DLGAP1: variants seen among roughly 807,000 people sequenced by gnomAD.
DLGAP1 encodes the protein disks large-associated protein 1.
Under a neutral mutation model 90.8 loss-of-function variants are expected in DLGAP1, and 11 were observed. The observed-to-expected ratio is 0.12, with a 90% CI of 0.08 to 0.20. The LOEUF is 0.20. Among genes scored for constraint, DLGAP1 ranks in the 10% least tolerant of loss-of-function variants. DLGAP1 has a pLI of 1.00. For missense variants in DLGAP1, 1,050 were observed against 1,333.8 expected, an observed-to-expected ratio of 0.79 and a Z score of 3.31; for synonymous variants, 558 against 540.7, an observed-to-expected ratio of 1.03 and a Z score of -0.44.
intron 1 of DLGAP1, among the ~76,000 whole-genome samples, chr18:4,167,790 T>C (rs887313461): frequency 1.3e-5 from 2 of 152,212 alleles, no homozygotes; most frequent in Non-Finnish European, 2.9e-5. Flanking sequence ...ATCATATTTC[T>C]ACATACTAAC....
At chr18:4,424,368 A>G (rs552283203) in intron 1 of DLGAP1, among the ~76,000 whole-genome samples, 8 of 152,298 alleles carry the variant, frequency 5.3e-5, no homozygotes, top group African/African-American at 1.9e-4. Context: ...CTTAATTTCA[A>G]TTTGCAGAAA....
intron 9 of DLGAP1, among the ~76,000 whole-genome samples, chr18:3,558,523 G>C (rs767560035): frequency 1.3e-5 from 2 of 152,146 alleles, no homozygotes; most frequent in East Asian, 3.8e-4. Context: ...ATTAGCCACC[G>C]GGCCCAGCTA....
At chr18:3,790,131 CA>C (rs912603434) in intron 5 of DLGAP1, among the ~76,000 whole-genome samples, 5 of 151,842 alleles carry the variant, frequency 3.3e-5, no homozygotes, top group Non-Finnish European at 5.9e-5. Context: ...TCTCAGTCTC[CA>C]AAAAAAATTT....
chr18:3,529,672 T>C (rs1437726005), intron 10 of DLGAP1, among the ~76,000 whole-genome samples: 1 of 152,098 alleles, frequency 6.6e-6, no homozygotes, highest in Non-Finnish European at 1.5e-5. Flanking sequence ...GAAAGATACA[T>C]CGGTTATTAT....
chr18:4,211,408 G>T (rs1175676813), intron 1 of DLGAP1, among the ~76,000 whole-genome samples: 5 of 152,174 alleles, frequency 3.3e-5, no homozygotes, highest in African/African-American at 1.2e-4. Context: ...GTAAATGTTA[G>T]AAAGGGTTAT....
At chr18:3,712,926 C>G (rs2061642718) in intron 7 of DLGAP1, among the ~76,000 whole-genome samples, 1 of 152,220 alleles carries the variant, frequency 6.6e-6, no homozygotes, top group South Asian at 2.1e-4. Flanking sequence ...TCTACTGGTA[C>G]TGTTTCCTTT....
intron 1 of DLGAP1, among the ~76,000 whole-genome samples, chr18:4,152,927 T>C (rs1442740442): frequency 1.3e-5 from 2 of 152,180 alleles, no homozygotes; most frequent in Non-Finnish European, 1.5e-5. Context: ...TAATGAAAAA[T>C]TGTTAATTTC....
chr18:4,322,660 G>A (rs975563787), intron 1 of DLGAP1, among the ~76,000 whole-genome samples: 4 of 152,090 alleles, frequency 2.6e-5, no homozygotes, highest in Non-Finnish European at 2.9e-5. Flanking sequence ...TTGTATCAAA[G>A]TAAAAAGCTA....
chr18:3,658,240 A>G (rs561277059), intron 7 of DLGAP1, among the ~76,000 whole-genome samples: 1 of 152,296 alleles, frequency 6.6e-6, no homozygotes, highest in African/African-American at 2.4e-5. Flanking sequence ...CTAGGAAATG[A>G]TGAGTTTTAA....
rs374731053 is a variant in DLGAP1, at chr18:4,009,231, C to G, written c.-158-4030G>C. 1.6e-3 allele frequency among the ~76,000 whole-genome samples: 245 copies of G among 152,276 alleles called. 4 individuals are homozygous for G. In the South Asian group the frequency reaches 0.03, roughly 18 times the overall value. On this transcript the variant is annotated intron_variant, in intron 2 of 12. Transcript: ENST00000315677. ...ACCGAGTCTCTTTAGACTCCACTTG[C>G]GCTCCATGCTCCTCTTGACTTCTGA...
At chr18:3,957,524 A>T (rs1356433913) in intron 3 of DLGAP1, among the ~76,000 whole-genome samples, 3 of 152,242 alleles carry the variant, frequency 2.0e-5, no homozygotes, top group Non-Finnish European at 2.9e-5. Flanking sequence ...CTGATTAACC[A>T]CATAGATTTT....
At chr18:3,561,222 C>A (rs2054073257) in intron 9 of DLGAP1, among the ~76,000 whole-genome samples, 1 of 145,904 alleles carries the variant, frequency 6.9e-6, no homozygotes, top group South Asian at 2.1e-4. Flanking sequence ...TTGAGACCAG[C>A]CTGTTCAACA....
intron 5 of DLGAP1, among the ~76,000 whole-genome samples, chr18:3,777,539 GTTA>G (rs1174837531): frequency 3.9e-5 from 6 of 152,274 alleles, no homozygotes; most frequent in Admixed American, 3.3e-4. Context: ...AGCTCTGTTT[GTTA>G]TTATTTCATA....
chr18:3,837,469 A>G (rs1467155860), intron 4 of DLGAP1, among the ~76,000 whole-genome samples: 1 of 152,238 alleles, frequency 6.6e-6, no homozygotes, highest in Non-Finnish European at 1.5e-5. Context: ...TTCATAAACA[A>G]AACTTGAAAC....
chr18:4,161,235 G>C (rs5017258), intron 1 of DLGAP1, among the ~76,000 whole-genome samples: 27,762 of 151,674 alleles, frequency 0.18, 7,220 homozygotes, highest in African/African-American at 0.57. Context: ...TCTCCCTCCC[G>C]CCACCTTTCC....
intron 12 of DLGAP1, among the ~76,000 whole-genome samples, chr18:3,501,613 G>C (rs999722323): frequency 6.6e-6 from 1 of 152,186 alleles, no homozygotes; most frequent in Admixed American, 6.5e-5. Context: ...TTAGATTGCT[G>C]TTAGCTTTCT....
intron 3 of DLGAP1, among the ~76,000 whole-genome samples, chr18:3,960,025 C>G (rs900159078): frequency 5.9e-5 from 9 of 152,202 alleles, no homozygotes; most frequent in Non-Finnish European, 1.2e-4. Flanking sequence ...TCTCCCTTCA[C>G]AGACCTCAGG....
intron 7 of DLGAP1, among the ~76,000 whole-genome samples, chr18:3,685,612 A>ATTAC (rs1555628100): frequency 2.7e-5 from 4 of 145,986 alleles, no homozygotes; most frequent in African/African-American, 1.0e-4. Context: ...GTACCCTTTA[A>ATTAC]TTATTTATTT....
chr18:4,053,162 A>G (rs2075160897), intron 2 of DLGAP1, among the ~76,000 whole-genome samples: 1 of 152,190 alleles, frequency 6.6e-6, no homozygotes, highest in Non-Finnish European at 1.5e-5. Context: ...ATCTGTTCTC[A>G]CACTGCTAAT....
Sources: allele counts gnomAD v4.1 joint callset (sites outside exome capture counted in the v4.1 genomes callset), GRCh38; gene constraint gnomAD v4.1.1; transcripts MANE v1.5; gene names NCBI Gene and HGNC (gene_info 2026-07-23, HGNC 2026-07-21).